The following ASCC1 variants were observed in gnomAD, a reference collection of about 807,000 sequenced individuals.
ASCC1 encodes the protein ASC-1 complex subunit P50.
ASCC1 carries 35 observed loss-of-function variants against 46.6 expected under a neutral mutation model. That is an observed-to-expected ratio of 0.75 (90% CI 0.57 to 0.99). The LOEUF (loss-of-function observed/expected upper bound fraction) is 0.99. ASCC1 is among the 50% of genes least tolerant of loss of function. The pLI is 0.00. For synonymous variants in ASCC1, 143 were observed against 146.6 expected, an observed-to-expected ratio of 0.98 and a Z score of 0.18; for missense variants, 376 against 428.7, an observed-to-expected ratio of 0.88 and a Z score of 1.09.
intron 9 of ASCC1, among the ~76,000 whole-genome samples, chr10:72,101,693 G>C (rs1190482190): frequency 1.3e-5 from 2 of 152,108 alleles, no homozygotes; most frequent in East Asian, 3.8e-4. Flanking sequence ...GGGTAGGTTG[G>C]TGGCCCAAGA....
Position 72,128,096 on chromosome 10 carries a change from G to T in ASCC1, c.943C>A (p.Arg315=), listed in dbSNP as rs1389098934. 2 of 1,613,450 alleles carry T rather than the reference G, an allele frequency of 1.2e-6. No individual in the cohort carries two copies. Among genetic ancestry groups the T allele is most frequent in the South Asian group, 2.2e-5 (2 of 91,068 alleles). ...TTCATACTGACCTTTAAAATATTTC[G>T]GCCATCAAATGATTCTCTTTCCTTG... The part of the protein sequence containing the change: ...IFKERESFDG[R]NILKLFENFY... The change falls in exon 9 of 10, where the codon CGA becomes AGA. Residue 315 remains arginine (R), a synonymous_variant. Transcript: ENST00000672957.
At chr10:72,190,221 T>C in intron 5 of ASCC1, 2 of 766,136 alleles carry the variant, frequency 2.6e-6, no homozygotes, top group Non-Finnish European at 4.8e-6. Flanking sequence ...TAGCTAAAGT[T>C]TGCCTGAAGC....
intron 3 of ASCC1, among the ~76,000 whole-genome samples, chr10:72,206,849 T>C (rs971657173): frequency 1.1e-4 from 16 of 152,120 alleles, no homozygotes; most frequent in Admixed American, 2.6e-4. Context: ...TAAGTGGAAA[T>C]GTTATATAAA....
In ASCC1 at chr10:72,121,737, C is replaced by CA. The variant is rs140871589; in HGVS notation, c.957+6344dup. 6.1e-3 allele frequency among the ~76,000 whole-genome samples: 922 copies of CA among 152,226 alleles called. 7 individuals carry two copies. The highest frequency in any genetic ancestry group is 0.021 in the African/African-American group (879 of 41,532). ...ACACATATGTGCCTAAAAACAGTGT[C>CA]AAAATACATGAGGCAAAAGTTGACA... is the stretch of plus-strand genomic sequence containing the variant. On this transcript the variant is annotated intron_variant, in intron 9 of 9. Transcript: ENST00000672957.
At chr10:72,212,655 C>G (rs1431760336) in intron 2 of ASCC1, among the ~76,000 whole-genome samples, 1 of 152,054 alleles carries the variant, frequency 6.6e-6, no homozygotes, top group Non-Finnish European at 1.5e-5. Context: ...TGAGACTAGC[C>G]TGGCCAACAT....
intron 7 of ASCC1, among the ~76,000 whole-genome samples, chr10:72,136,563 C>T (rs943812307): frequency 1.1e-4 from 16 of 152,176 alleles, no homozygotes; most frequent in Non-Finnish European, 2.1e-4. Context: ...CAGAATGGGC[C>T]AATCAGCAGG....
At chr10:72,119,013 G>A (rs753856948) in intron 9 of ASCC1, among the ~76,000 whole-genome samples, 2 of 152,154 alleles carry the variant, frequency 1.3e-5, no homozygotes, top group Non-Finnish European at 2.9e-5. Flanking sequence ...ACAAATTGCT[G>A]CCCCCAAAAC....
chr10:72,101,906 TA>T (rs1841808843), intron 9 of ASCC1, among the ~76,000 whole-genome samples: 1 of 151,934 alleles, frequency 6.6e-6, no homozygotes, highest in Non-Finnish European at 1.5e-5. Flanking sequence ...AATGAAACTA[TA>T]AATGAAACAC....
chr10:72,186,220 T>C (rs1448787175), intron 5 of ASCC1, among the ~76,000 whole-genome samples: 2 of 151,950 alleles, frequency 1.3e-5, no homozygotes, highest in African/African-American at 2.4e-5. Flanking sequence ...GCTGAACTCC[T>C]GGGCTTAAGC....
rs557758650 is a variant in ASCC1, at chr10:72,115,798, T to C, written c.957+12284A>G. On this transcript the variant is annotated intron_variant, in intron 9 of 9. Coordinates refer to ENST00000672957, the MANE Select transcript of ASCC1 (RefSeq NM_001198800.3). ...GACGGTGGCAGGAAGAATGGCTTTA[T>C]AGTGTTTATTCAGACTAGAGAAATG... 2.4e-4 allele frequency among the ~76,000 whole-genome samples: 36 copies of C among 152,354 alleles called. No individual in the cohort carries two copies. In the South Asian group the frequency reaches 6.6e-3, roughly 28 times the overall value.
intron 5 of ASCC1, among the ~76,000 whole-genome samples, chr10:72,178,572 T>C (rs1852154251): frequency 6.6e-6 from 1 of 152,184 alleles, no homozygotes; most frequent in African/African-American, 2.4e-5. Context: ...ACATGGAAGT[T>C]GATTCTTCCC....
At chr10:72,156,771 C>CAAA (rs58283312) in intron 6 of ASCC1, among the ~76,000 whole-genome samples, 1 of 65,252 alleles carries the variant, frequency 1.5e-5, no homozygotes, top group Non-Finnish European at 3.1e-5. Flanking sequence ...GACTCCATCT[C>CAAA]AAAAAAAAAA....
chr10:72,102,844 G>C (rs1325142822), intron 9 of ASCC1: 2 of 356,596 alleles, frequency 5.6e-6, no homozygotes, highest in Non-Finnish European at 1.1e-5. Context: ...GCATGGTGGC[G>C]GTCACCTGTA....
intron 6 of ASCC1, among the ~76,000 whole-genome samples, chr10:72,161,067 A>T (rs1050309848): frequency 6.6e-6 from 1 of 151,780 alleles, no homozygotes; most frequent in Non-Finnish European, 1.5e-5. Context: ...TGGGCGACAG[A>T]GCAAGATTCC....
intron 9 of ASCC1, among the ~76,000 whole-genome samples, chr10:72,110,741 C>T (rs1223566422): frequency 1.3e-5 from 2 of 152,174 alleles, no homozygotes; most frequent in African/African-American, 4.8e-5. Context: ...GAGCTGAGAT[C>T]ACGCCATTGC....
At chr10:72,112,112 G>C (rs1842983161) in intron 9 of ASCC1, among the ~76,000 whole-genome samples, 1 of 152,178 alleles carries the variant, frequency 6.6e-6, no homozygotes, top group Admixed American at 6.5e-5. Flanking sequence ...CTCTAACAAA[G>C]GGCTGCTTCA....
At chr10:72,140,118 G>A (rs544401691) in intron 7 of ASCC1, among the ~76,000 whole-genome samples, 3 of 152,130 alleles carry the variant, frequency 2.0e-5, no homozygotes, top group Admixed American at 6.6e-5. Context: ...AACATTCTTC[G>A]AACATCTATG....
At chr10:72,189,301 G>A (rs868458351) in intron 5 of ASCC1, among the ~76,000 whole-genome samples, 7 of 151,776 alleles carry the variant, frequency 4.6e-5, no homozygotes, top group East Asian at 3.9e-4. Flanking sequence ...CCAGCTACTC[G>A]GGAGGCTGAG....
intron 5 of ASCC1, among the ~76,000 whole-genome samples, chr10:72,186,824 G>C (rs765669543): frequency 6.6e-6 from 1 of 150,714 alleles, no homozygotes; most frequent in Non-Finnish European, 1.5e-5. Context: ...CCAGCATGAC[G>C]TTCACAGCGA....
Sources: allele counts gnomAD v4.1 joint callset (sites outside exome capture counted in the v4.1 genomes callset), GRCh38; gene constraint gnomAD v4.1.1; transcripts MANE v1.5; gene names NCBI Gene and HGNC (gene_info 2026-07-23, HGNC 2026-07-21).